Variants in ENOX1 observed in about 807,000 individuals in gnomAD.
The protein encoded by ENOX1 is ecto-NOX disulfide-thiol exchanger 1.
A neutral mutation model predicts 82.5 loss-of-function variants in ENOX1; 42 were observed. The observed-to-expected ratio is 0.51, with a 90% CI of 0.40 to 0.66. The LOEUF is 0.66. Among genes scored for constraint, ENOX1 ranks in the 30% least tolerant of loss-of-function variants. ENOX1 has a pLI of 0.00. For synonymous variants in ENOX1, 271 were observed against 282.2 expected (o/e 0.96, Z 0.40); for missense variants, 608 against 811.6 (o/e 0.75, Z 3.05).
chr13:43,522,566 G>A (rs962794510), intron 2 of ENOX1, among the ~76,000 whole-genome samples: 1 of 152,076 alleles, frequency 6.6e-6, no homozygotes, highest in East Asian at 1.9e-4. Flanking sequence ...GCCTTGTCTG[G>A]CACACTTCTA....
In ENOX1 at chr13:43,599,535, A is replaced by G. The variant is rs140069834; in HGVS notation, c.-219+67944T>C. ...CAGTGGTCAGAACTTGAGTTCCAGC[A>G]AGCCTCATCACTGCAGACTAAAGTG... On this transcript the variant is annotated intron_variant, in intron 2 of 16. Coordinates refer to ENST00000690772, the MANE Select transcript of ENOX1 (RefSeq NM_001347969.2). Among the ~76,000 whole-genome samples, 37 of 152,162 alleles carry G rather than the reference A, an allele frequency of 2.4e-4. No homozygotes were observed. In the East Asian group the frequency reaches 6.5e-3, roughly 27 times the overall value.
chr13:43,458,408 T>TA (rs1466863543), intron 3 of ENOX1: 1 of 152,234 alleles, frequency 6.6e-6, no homozygotes, highest in East Asian at 1.9e-4. Flanking sequence ...TTAAGCTGTC[T>TA]AAAAGTACAT....
chr13:43,311,815 A>C (rs1458212440), intron 11 of ENOX1, among the ~76,000 whole-genome samples: 3 of 152,188 alleles, frequency 2.0e-5, no homozygotes, highest in Non-Finnish European at 2.9e-5. Flanking sequence ...TGTTGTTTTA[A>C]TTTTATCACT....
At chr13:43,770,565 T>C (rs901607082) in intron 1 of ENOX1, among the ~76,000 whole-genome samples, 2 of 152,170 alleles carry the variant, frequency 1.3e-5, no homozygotes, top group African/African-American at 4.8e-5. Flanking sequence ...TTTTATTTAT[T>C]GACATGGAGA....
intron 1 of ENOX1, among the ~76,000 whole-genome samples, chr13:43,697,011 A>G (rs889495608): frequency 6.6e-6 from 1 of 152,172 alleles, no homozygotes; most frequent in Admixed American, 6.5e-5. Context: ...TACAAAAGAA[A>G]TGAAACAATT....
intron 2 of ENOX1, among the ~76,000 whole-genome samples, chr13:43,603,123 G>A (rs796521328): frequency 1.3e-5 from 2 of 151,788 alleles, no homozygotes; most frequent in East Asian, 1.9e-4. Context: ...TGTAATAAAC[G>A]TGTAAGACTT....
chr13:43,302,281 A>G (rs2046624573), intron 11 of ENOX1, among the ~76,000 whole-genome samples: 3 of 152,220 alleles, frequency 2.0e-5, no homozygotes, highest in East Asian at 3.8e-4. Context: ...ATGTGATTAA[A>G]TATTTTGTTG....
intron 16 of ENOX1, among the ~76,000 whole-genome samples, chr13:43,219,990 T>C (rs1226537441): frequency 6.6e-6 from 1 of 152,184 alleles, no homozygotes; most frequent in African/African-American, 2.4e-5. Context: ...CTTCACATCC[T>C]GGGCAGGGCA....
At position 43,423,655 on chromosome 13, in the gene ENOX1, T is replaced by C. The variant is rs527476015; in HGVS notation, c.-74-10667A>G. Among the ~76,000 whole-genome samples, 4 of 152,336 alleles carry C rather than the reference T, an allele frequency of 2.6e-5. No individual in the cohort carries two copies. The South Asian group carries it at 8.3e-4, about 32-fold the overall frequency. On this transcript the variant is annotated intron_variant, in intron 3 of 16. Coordinates refer to ENST00000690772, the MANE Select transcript of ENOX1 (RefSeq NM_001347969.2). ...GCACCTATCTGAAGAACAGGAGATC[T>C]AAATCTAAATTCTGTCCTCAAACCC...
chr13:43,633,107 A>G (rs149069974), intron 2 of ENOX1, among the ~76,000 whole-genome samples: 15 of 152,340 alleles, frequency 9.8e-5, no homozygotes, highest in African/African-American at 3.4e-4. Context: ...CAACAATTTG[A>G]GCTAGATTCC....
chr13:43,267,377 A>T (rs940228493), intron 13 of ENOX1, among the ~76,000 whole-genome samples: 4 of 152,198 alleles, frequency 2.6e-5, no homozygotes, highest in Non-Finnish European at 5.9e-5. Context: ...GGGAAGACTG[A>T]GAGCTTAGGG....
In ENOX1 at chr13:43,786,061, T is replaced by C. The variant is rs1365991338; in HGVS notation, c.-285+591A>G. Among the ~76,000 whole-genome samples the C allele has an allele frequency of 6.6e-6, 1 of 151,904 alleles. No homozygotes were observed. The highest frequency in any genetic ancestry group is 1.5e-5 in the Non-Finnish European group (1 of 67,970). ...CCCGCCGACGAAGACCTGTCCAAGG[T>C]GTCCGAGCTCCCCGCGAGAGGGGAC... is the stretch of plus-strand genomic sequence containing the variant. On this transcript the variant is annotated intron_variant, in intron 1 of 16. Coordinates refer to ENST00000690772, the MANE Select transcript of ENOX1 (RefSeq NM_001347969.2). The surrounding 1 kb of genome is among the most constrained non-coding windows in gnomAD (Gnocchi z 6.0).
chr13:43,498,594 G>C (rs1280140152), intron 2 of ENOX1, among the ~76,000 whole-genome samples: 1 of 151,700 alleles, frequency 6.6e-6, no homozygotes, highest in Non-Finnish European at 1.5e-5. Context: ...TCAATAAATG[G>C]GTGAGAAAAG....
rs146602042 is a variant in ENOX1, at chr13:43,737,560, T to G, written c.-285+49092A>C. 3.4e-4 allele frequency among the ~76,000 whole-genome samples: 52 copies of G among 152,264 alleles called. 1 individual carries two copies. Among genetic ancestry groups the G allele is most frequent in the African/African-American group, 9.6e-4 (40 of 41,552 alleles). ...GATGGGAACCCTTCCTCAGAACTGA[T>G]CTCACTAGCCAAGGACACCGCCCAT... On this transcript the variant is annotated intron_variant, in intron 1 of 16. Coordinates refer to ENST00000690772, the MANE Select transcript of ENOX1 (RefSeq NM_001347969.2).
At chr13:43,687,207 CATTTAACAAAT>C (rs1194539401) in intron 1 of ENOX1, among the ~76,000 whole-genome samples, 1 of 152,180 alleles carries the variant, frequency 6.6e-6, no homozygotes, top group Admixed American at 6.6e-5. Context: ...TCTGGTATCA[CATTTAACAAAT>C]ATTTGCTAAA....
intron 16 of ENOX1, among the ~76,000 whole-genome samples, chr13:43,217,123 C>G (rs2041531671): frequency 1.3e-5 from 2 of 152,222 alleles, no homozygotes; most frequent in African/African-American, 4.8e-5. Flanking sequence ...CCCTGCCCAC[C>G]TCCACCAGGG....
intron 3 of ENOX1, among the ~76,000 whole-genome samples, chr13:43,441,677 G>GGTCT (rs912044492): frequency 4.0e-5 from 6 of 148,290 alleles, no homozygotes; most frequent in African/African-American, 1.3e-4. Context: ...CGGCACTGCG[G>GGTCT]GTCTGCTGGT....
intron 2 of ENOX1, among the ~76,000 whole-genome samples, chr13:43,510,159 G>C (rs182727887): frequency 3.9e-5 from 6 of 152,066 alleles, no homozygotes; most frequent in African/African-American, 1.4e-4. Context: ...TCTTGGTGTG[G>C]ATAAAATCAG....
intron 1 of ENOX1, among the ~76,000 whole-genome samples, chr13:43,695,631 AGAGACGGG>A (rs1348202966): frequency 6.6e-6 from 1 of 151,958 alleles, no homozygotes; most frequent in African/African-American, 2.4e-5. Flanking sequence ...TATTTTCAGT[AGAGACGGG>A]GTTTCGCCAT....
Sources: allele counts gnomAD v4.1 joint callset (sites outside exome capture counted in the v4.1 genomes callset), GRCh38; gene constraint gnomAD v4.1.1; non-coding constraint Gnocchi (gnomAD v3.1); transcripts MANE v1.5; gene names NCBI Gene and HGNC (gene_info 2026-07-23, HGNC 2026-07-21).